Variants in PCMTD2 observed in about 807,000 individuals in gnomAD.
The protein encoded by PCMTD2 is protein-L-isoaspartate O-methyltransferase domain-containing protein 2.
A neutral mutation model predicts 33.4 loss-of-function variants in PCMTD2; 16 were observed. That is an observed-to-expected ratio of 0.48 (90% CI 0.32 to 0.73). The LOEUF is 0.73. Among genes scored for constraint, PCMTD2 ranks in the 30% least tolerant of loss-of-function variants. The pLI is 0.03. For missense variants in PCMTD2, 374 were observed against 449.9 expected, an observed-to-expected ratio of 0.83 and a Z score of 1.53; for synonymous variants, 161 against 160.8, an observed-to-expected ratio of 1.00 and a Z score of -0.01.
rs1163207373 is a variant in PCMTD2, at chr20:64,273,232, G to A, written c.718G>A (p.Val240Ile). The A allele has an allele frequency of 8.7e-6, 14 of 1,612,868 alleles. No individual in the cohort carries two copies. Among genetic ancestry groups the A allele is most frequent in the African/African-American group, 6.7e-5 (5 of 74,804 alleles). ...CTTCTGTGCTGCAGCACCAGTGGCA[G>A]TTCGCAGCCTCCAGGACTTGGCTCG... ...SRLVQLPPVA[V>I]RSLQDLARIA... Residue 240 changes from valine (V) to isoleucine (I), a missense_variant, in exon 6 of 6, where the codon GTT becomes ATT. Coordinates refer to ENST00000308824, the MANE Select transcript of PCMTD2 (RefSeq NM_018257.3).
At chr20:64,255,897 C>A in intron 1 of PCMTD2, 27 bp downstream of exon 1, 1 of 154,858 alleles carries the variant, frequency 6.5e-6, no homozygotes, top group South Asian at 1.9e-4. Flanking sequence ...CGCCGCCGCC[C>A]CTCGGTCCGG....
chr20:64,267,244 G>A (rs1239945563), intron 4 of PCMTD2, among the ~76,000 whole-genome samples: 9 of 152,164 alleles, frequency 5.9e-5, no homozygotes, highest in Admixed American at 5.9e-4. Flanking sequence ...ATGTTTTGAT[G>A]GCCTACACTG....
chr20:64,262,648 A>AC (rs1026667382), intron 2 of PCMTD2: 2 of 152,090 alleles, frequency 1.3e-5, no homozygotes, highest in Non-Finnish European at 1.5e-5. Flanking sequence ...CTTTACTGTG[A>AC]CCCCCGACTG....
Position 64,267,972 on chromosome 20 carries a change from G to C in PCMTD2, c.668G>C (p.Cys223Ser). Residue 223 changes from cysteine (C) to serine (S), a missense_variant, in exon 5 of 6, where the codon TGC (cysteine) becomes TCC (serine). By Grantham distance (112) the Cys-to-Ser change is moderately radical. Transcript: ENST00000308824. ...AVSFAPLIQP[C>S]HSESGKSRLV... ...TCTTTTGCTCCTCTGATCCAGCCCTGCCATTCAGAGTCAGGAAAATCAAGA... is the reference window on the plus strand; with the variant it reads ...TCTTTTGCTCCTCTGATCCAGCCCTCCCATTCAGAGTCAGGAAAATCAAGA... 1.2e-6 allele frequency: 2 copies of C among 1,612,832 alleles called. No homozygotes were observed. The highest frequency in any genetic ancestry group is 1.7e-6 in the Non-Finnish European group (2 of 1,178,928).
intron 2 of PCMTD2, among the ~76,000 whole-genome samples, chr20:64,260,954 A>G (rs939280197): frequency 6.6e-6 from 1 of 152,016 alleles, no homozygotes; most frequent in African/African-American, 2.4e-5. Context: ...TCAGCCTCCC[A>G]AAGTGCTGGG....
intron 1 of PCMTD2, among the ~76,000 whole-genome samples, chr20:64,256,251 T>C (rs1166635823): frequency 6.6e-6 from 1 of 152,098 alleles, no homozygotes; most frequent in East Asian, 1.9e-4. Context: ...TTTCAGAAGA[T>C]GACAGGATTT....
rs1048568975 is a variant in PCMTD2, at chr20:64,275,186, T to A, written c.*1586T>A. ...GCAGTTTAAGTCATTTTAAAGAAAGTTAGTTCATAGTTGTTGCCTTTTAAC... is the reference window on the plus strand; with the variant it reads ...GCAGTTTAAGTCATTTTAAAGAAAGATAGTTCATAGTTGTTGCCTTTTAAC... On this transcript the variant is annotated 3_prime_UTR_variant, in exon 6 of 6. Transcript: ENST00000308824. 6.6e-6 allele frequency: 1 copy of A among 152,236 alleles called. No individual in the cohort carries two copies. The highest frequency in any genetic ancestry group is 2.4e-5 in the African/African-American group (1 of 41,464). The allele number at this position is 152,236 out of a possible 1,614,324, so 9.4% of individuals were successfully genotyped here. A position where few individuals can be genotyped will look rare whatever the true frequency, so the allele number is the denominator to read the frequency against.
Position 64,260,031 on chromosome 20 carries a change from G to T in PCMTD2, c.66G>T (p.Gln22His). The T allele has an allele frequency of 6.2e-7, 1 of 1,612,366 alleles. No homozygotes were observed. The highest frequency in any genetic ancestry group is 8.5e-7 in the Non-Finnish European group (1 of 1,178,378). The change falls in exon 2 of 6, where the codon CAG (glutamine) becomes CAT (histidine). Residue 22 changes from glutamine to histidine, a missense_variant. Gln to His is a conservative substitution (Grantham distance 24). Transcript: ENST00000308824. Reference protein sequence around the residue: ...DELIDNLKEAQYIRTELVEQA... With the variant: ...DELIDNLKEAHYIRTELVEQA... ...TGATAGATAATTTGAAAGAAGCACA[G>T]TATATCCGGACTGAGCTGGTAGAGC...
At chr20:64,268,351 G>A (rs1985745039) in intron 5 of PCMTD2, among the ~76,000 whole-genome samples, 1 of 152,244 alleles carries the variant, frequency 6.6e-6, no homozygotes, top group Non-Finnish European at 1.5e-5. Flanking sequence ...AGAGCCATCA[G>A]CCAGAGGGCT....
At chr20:64,264,042 G>T (rs1173293436) in intron 2 of PCMTD2, among the ~76,000 whole-genome samples, 4 of 152,184 alleles carry the variant, frequency 2.6e-5, no homozygotes, top group East Asian at 1.9e-4. Context: ...ACCCTGTTTT[G>T]TGAATATTAT....
intron 1 of PCMTD2, chr20:64,257,142 T>A (rs1484547192): frequency 6.6e-6 from 1 of 152,250 alleles, no homozygotes; most frequent in African/African-American, 2.4e-5. Flanking sequence ...CCACAATGAA[T>A]TACTTTGTCC....
Position 64,275,698 on chromosome 20 carries a change from TTC to T in PCMTD2, c.*2100_*2101del, listed in dbSNP as rs1254712847. ...CCAGAATTCAGTATAATACACTACT[TTC>T]TGTTTTCAAACAGATAAATCATAAT... On this transcript the variant is annotated 3_prime_UTR_variant, in exon 6 of 6. Transcript: ENST00000308824. The T allele has an allele frequency of 6.6e-6, 1 of 152,216 alleles. No homozygotes were observed. The highest frequency in any genetic ancestry group is 6.5e-5 in the Admixed American group (1 of 15,278). The allele number at this position is 152,216 out of a possible 1,614,324, so 9.4% of individuals were successfully genotyped here.
intron 2 of PCMTD2, among the ~76,000 whole-genome samples, chr20:64,263,280 C>T (rs568186113): frequency 2.0e-5 from 3 of 152,194 alleles, no homozygotes; most frequent in East Asian, 1.9e-4. Context: ...TGTATTTTGA[C>T]GAGGTAATGT....
In PCMTD2 at chr20:64,273,593, A is replaced by G. The variant is rs1476331609; in HGVS notation, c.1079A>G (p.Glu360Gly). The G allele has an allele frequency of 4.2e-5, 63 of 1,516,386 alleles. No individual in the cohort carries two copies. Among genetic ancestry groups the G allele is most frequent in the Non-Finnish European group, 5.5e-5 (63 of 1,135,616 alleles). The allele number at this position is 1,516,386 out of a possible 1,614,324, so 93.9% of individuals were successfully genotyped here. A position where few individuals can be genotyped will look rare whatever the true frequency, so the allele number is the denominator to read the frequency against. Residue 360 changes from glutamate to glycine, a missense_variant, in exon 6 of 6, where the codon GAA becomes GGA. Transcript: ENST00000308824. ...AAATACTACTTGCTTTATTACAGAG[A>G]AAAATAAGTCTCCTGTTTGAAAGGG... ...PLKYYLLYYREK is the reference protein window; with the variant it reads ...PLKYYLLYYRGK
intron 2 of PCMTD2, among the ~76,000 whole-genome samples, chr20:64,261,788 G>A (rs1259813318): frequency 6.6e-6 from 1 of 152,124 alleles, no homozygotes; most frequent in African/African-American, 2.4e-5. Flanking sequence ...AGAACACAGT[G>A]CCCAGATTAT....
At chr20:64,269,962 G>A (rs1294824914) in intron 5 of PCMTD2, among the ~76,000 whole-genome samples, 7 of 148,022 alleles carry the variant, frequency 4.7e-5, no homozygotes, top group Non-Finnish European at 1.0e-4. Context: ...GTGAGGGCGT[G>A]CACGGTGTGG....
chr20:64,264,370 C>T, intron 2 of PCMTD2, 59 bp from the exon 3 acceptor site: 1 of 832,332 alleles, frequency 1.2e-6, no homozygotes, highest in Non-Finnish European at 2.1e-6. Flanking sequence ...TAGAAGTGAA[C>T]AGATGAGCAA....
chr20:64,258,388 A>G (rs993668291), intron 1 of PCMTD2, among the ~76,000 whole-genome samples: 2 of 152,206 alleles, frequency 1.3e-5, no homozygotes, highest in Non-Finnish European at 2.9e-5. Context: ...AAAAATTCAA[A>G]AAGGGTGTGA....
In PCMTD2 at chr20:64,268,216, T is replaced by G. The variant is rs566419871; in HGVS notation, c.706+206T>G. ...ATTTCAGGTAATTTTAGCCGTCTTTTAAATCTACAAAGAGCTGTTGCCGGT... is the reference window on the plus strand; with the variant it reads ...ATTTCAGGTAATTTTAGCCGTCTTTGAAATCTACAAAGAGCTGTTGCCGGT... On this transcript the variant is annotated intron_variant, in intron 5 of 5. Transcript: ENST00000308824. 5.3e-5 allele frequency among the ~76,000 whole-genome samples: 8 copies of G among 152,374 alleles called. No homozygotes were observed. The South Asian group carries it at 1.7e-3, about 32-fold the overall frequency.
Sources: gnomAD v4.1 joint callset for allele counts (sites outside exome capture counted in the v4.1 genomes callset) on GRCh38, gnomAD v4.1.1 for gene constraint, MANE v1.5 for transcripts, NCBI Gene and HGNC (gene_info 2026-07-23, HGNC 2026-07-21) for gene names.